Variants in TXNDC12 observed in about 807,000 individuals in gnomAD.
TXNDC12 encodes thioredoxin domain containing 12, also known as thioredoxin domain-containing protein 12.
TXNDC12 carries 22 observed loss-of-function variants against 24.2 expected under a neutral mutation model. The ratio of observed to expected loss-of-function variants is 0.91; its 90% CI spans 0.65 to 1.30. The LOEUF (loss-of-function observed/expected upper bound fraction) is 1.30. Among genes scored for constraint, TXNDC12 ranks in the 50% most tolerant of loss-of-function variants. The pLI, the probability that TXNDC12 is intolerant of heterozygous loss-of-function variation, is 0.00. For synonymous variants in TXNDC12, 58 were observed against 73.4 expected, an observed-to-expected ratio of 0.79 and a Z score of 1.07; for missense variants, 184 against 205.8, an observed-to-expected ratio of 0.89 and a Z score of 0.65.
intron 1 of TXNDC12, among the ~76,000 whole-genome samples, chr1:52,043,539 TA>T (rs1686034396): frequency 6.6e-6 from 1 of 152,242 alleles, no homozygotes; most frequent in Non-Finnish European, 1.5e-5. Context: ...CAGTTTTACT[TA>T]ATCTCTGTAT....
intron 1 of TXNDC12, among the ~76,000 whole-genome samples, chr1:52,050,115 C>A (rs560803307): frequency 2.6e-5 from 4 of 152,198 alleles, no homozygotes; most frequent in African/African-American, 7.2e-5. Context: ...CCATTCACTA[C>A]ACTTTACTGT....
intron 2 of TXNDC12, among the ~76,000 whole-genome samples, chr1:52,031,445 A>T (rs1457834166): frequency 1.3e-5 from 2 of 151,944 alleles, no homozygotes. Flanking sequence ...GGCATGAGCC[A>T]CCGCACCCAG....
At chr1:52,021,127 A>C in intron 6 of TXNDC12, 115 bp from the exon 7 acceptor site, 2 of 749,890 alleles carry the variant, frequency 2.7e-6, no homozygotes, top group African/African-American at 1.7e-5. Flanking sequence ...CAAGATCTGG[A>C]CTCAAGATCT....
chr1:52,028,597 G>T lies in TXNDC12; in HGVS notation c.192C>A (p.Ser64=). The change falls in exon 3 of 7, where the codon TCC becomes TCA. Residue 64 remains serine, a synonymous_variant. Transcript: ENST00000371626. ...ACTTACCTTTGCAAGCTCCACACCAGGATTTATGAATAATCACCATCAGGG... is the reference window on the plus strand; with the variant it reads ...ACTTACCTTTGCAAGCTCCACACCATGATTTATGAATAATCACCATCAGGG... ...GLPLMVIIHK[S]WCGACKALKP... The T allele has an allele frequency of 8.7e-6, 14 of 1,612,614 alleles. No homozygotes were observed. Among genetic ancestry groups the T allele is most frequent in the Non-Finnish European group, 1.1e-5 (13 of 1,179,576 alleles).
intron 4 of TXNDC12, among the ~76,000 whole-genome samples, chr1:52,026,472 C>G (rs771631764): frequency 7.2e-5 from 11 of 152,214 alleles, no homozygotes; most frequent in Non-Finnish European, 1.3e-4. Flanking sequence ...AAGCCCAACA[C>G]AGATTAGGTG....
intron 1 of TXNDC12, among the ~76,000 whole-genome samples, chr1:52,043,361 T>C (rs1439327332): frequency 6.6e-6 from 1 of 152,238 alleles, no homozygotes; most frequent in Non-Finnish European, 1.5e-5. Context: ...AAGTGCTCCA[T>C]AAAATATTTG....
At chr1:52,024,706 A>G (rs780694313) in intron 4 of TXNDC12, 127 bp from the exon 5 acceptor site, 182 of 671,370 alleles carry the variant, frequency 2.7e-4, no homozygotes, top group Admixed American at 5.0e-4. Context: ...GCCCTACATG[A>G]TCTATCACCT....
chr1:52,051,405 T>A (rs1206939900), intron 1 of TXNDC12, among the ~76,000 whole-genome samples: 2 of 152,150 alleles, frequency 1.3e-5, no homozygotes, highest in Non-Finnish European at 2.9e-5. Flanking sequence ...AGACAGAGTA[T>A]CACTCTGTTG....
Position 52,040,482 on chromosome 1 carries a change from C to CA in TXNDC12, c.158+1054dup, listed in dbSNP as rs1387115995. ...GATTACAGGCATGAGCCACCGCACC[C>CA]AGCCAGTGTGCAGAAGTTTTGATAA... On this transcript the variant is annotated intron_variant, in intron 2 of 6. Coordinates refer to ENST00000371626, the MANE Select transcript of TXNDC12 (RefSeq NM_015913.4). Among the ~76,000 whole-genome samples, 3 of 152,286 alleles carry CA rather than the reference C, an allele frequency of 2.0e-5. No individual in the cohort carries two copies. The South Asian group carries it at 6.2e-4, about 32-fold the overall frequency.
rs1254426978 is a variant in TXNDC12 at position 52,024,640 on chromosome 1, C to T, written c.286-61G>A. On this transcript the variant is annotated intron_variant, in intron 4 of 6. Coordinates refer to ENST00000371626, the MANE Select transcript of TXNDC12 (RefSeq NM_015913.4). ...CGTCCTCTCTCTCCTCAAAACCATT[C>T]AGTGGCTTCCCCACTTGTCAGGGCA... The T allele has an allele frequency of 5.2e-6, 7 of 1,353,996 alleles. No individual in the cohort carries two copies. In the African/African-American group the frequency reaches 1.0e-4, roughly 20 times the overall value. 83.9% of individuals were successfully genotyped at this position (1,353,996 alleles called of 1,614,324 possible). A position where few individuals can be genotyped will look rare whatever the true frequency, so the allele number is the denominator to read the frequency against.
intron 1 of TXNDC12, among the ~76,000 whole-genome samples, chr1:52,045,744 TTG>T (rs1396318861): frequency 6.6e-6 from 1 of 152,182 alleles, no homozygotes; most frequent in Non-Finnish European, 1.5e-5. Flanking sequence ...TGTATCAATA[TTG>T]GTTCGTCAAT....
At position 52,049,700 on chromosome 1, in the gene TXNDC12, T is replaced by C. The variant is rs539770383; in HGVS notation, c.97+5300A>G. The stretch of plus-strand genomic sequence containing the variant: ...ATCACCACCACCACTTATTAAGCAA[T>C]TGCATTTTTTTTTTTTTGGTAGAGA... On this transcript the variant is annotated intron_variant, in intron 1 of 6. Coordinates refer to ENST00000371626, the MANE Select transcript of TXNDC12 (RefSeq NM_015913.4). 3.3e-5 allele frequency among the ~76,000 whole-genome samples: 5 copies of C among 151,674 alleles called. No homozygotes were observed. In the East Asian group the frequency reaches 7.8e-4, roughly 24 times the overall value.
chr1:52,031,888 T>C (rs1273613399), intron 2 of TXNDC12, among the ~76,000 whole-genome samples: 5 of 152,204 alleles, frequency 3.3e-5, no homozygotes, highest in African/African-American at 1.2e-4. Flanking sequence ...CAATGAAGAA[T>C]GAAAGACAAG....
At chr1:52,033,239 C>T in intron 2 of TXNDC12, 1 of 1,614,128 alleles carries the variant, frequency 6.2e-7, no homozygotes, top group Non-Finnish European at 8.5e-7. Context: ...TCTTCTCGCT[C>T]CAGTTCCTTG....
intron 1 of TXNDC12, among the ~76,000 whole-genome samples, chr1:52,046,697 C>T (rs1686095631): frequency 6.6e-6 from 1 of 151,340 alleles, no homozygotes; most frequent in African/African-American, 2.4e-5. Flanking sequence ...TCTAACCTAA[C>T]ATGGTGAAAC....
intron 1 of TXNDC12, among the ~76,000 whole-genome samples, chr1:52,046,878 T>A (rs1335312277): frequency 1.2e-4 from 17 of 145,018 alleles, no homozygotes; most frequent in African/African-American, 1.8e-4. Context: ...TATATATATA[T>A]ATATATATAT....
At chr1:52,039,236 T>A (rs1685942327) in intron 2 of TXNDC12, among the ~76,000 whole-genome samples, 1 of 152,100 alleles carries the variant, frequency 6.6e-6, no homozygotes, top group Admixed American at 6.6e-5. Flanking sequence ...ACTTCCAGCA[T>A]CACCAATGGC....
intron 1 of TXNDC12, 109 bp from the exon 2 acceptor site, chr1:52,041,706 A>T (rs1222524580): frequency 1.5e-6 from 1 of 669,022 alleles, no homozygotes; most frequent in Non-Finnish European, 2.5e-6. Flanking sequence ...TTCTTCTGTC[A>T]AGAGCTTGGT....
At chr1:52,029,601 C>T (rs1685722409) in intron 2 of TXNDC12, among the ~76,000 whole-genome samples, 2 of 152,164 alleles carry the variant, frequency 1.3e-5, no homozygotes, top group African/African-American at 4.8e-5. Context: ...TTGATCTGTA[C>T]CTATTATTTA....
Sources: gnomAD v4.1 joint callset for allele counts (sites outside exome capture counted in the v4.1 genomes callset) on GRCh38, gnomAD v4.1.1 for gene constraint, MANE v1.5 for transcripts, NCBI Gene and HGNC (gene_info 2026-07-23, HGNC 2026-07-21) for gene names.